The following BPNT2 variants were observed in gnomAD, a reference collection of about 807,000 sequenced individuals.
BPNT2 encodes the protein 3'(2'), 5'-bisphosphate nucleotidase 2.
A neutral mutation model predicts 29.3 loss-of-function variants in BPNT2; 11 were observed. The observed-to-expected ratio is 0.38, with a 90% CI of 0.24 to 0.62. The LOEUF is 0.62. Among genes scored for constraint, BPNT2 ranks in the 20% least tolerant of loss-of-function variants. The pLI is 0.62. For missense variants in BPNT2, 459 were observed against 473.4 expected, an observed-to-expected ratio of 0.97 and a Z score of 0.28; for synonymous variants, 195 against 187.7, an observed-to-expected ratio of 1.04 and a Z score of -0.32.
intron 1 of BPNT2, among the ~76,000 whole-genome samples, chr8:56,985,407 G>A (rs1249463083): frequency 6.6e-6 from 1 of 152,002 alleles, no homozygotes; most frequent in Non-Finnish European, 1.5e-5. Flanking sequence ...TGAAGCATAA[G>A]AAATCAACCC....
intron 2 of BPNT2, among the ~76,000 whole-genome samples, chr8:56,979,606 C>T (rs1057332961): frequency 3.3e-5 from 5 of 152,050 alleles, no homozygotes; most frequent in African/African-American, 1.2e-4. Flanking sequence ...TAAACTGTAA[C>T]ATATAAACCA....
intron 1 of BPNT2, among the ~76,000 whole-genome samples, chr8:56,982,454 A>C (rs962818248): frequency 2.6e-5 from 4 of 152,208 alleles, no homozygotes; most frequent in Non-Finnish European, 5.9e-5. Context: ...AGAGCAAAGT[A>C]AACATTCAAT....
Position 56,993,522 on chromosome 8 carries a change from C to A in BPNT2, c.64G>T (p.Gly22Cys). Residue 22 changes from glycine (G) to cysteine (C), a missense_variant, in exon 1 of 5, where the codon GGC becomes TGC. Physicochemically the swap from Gly to Cys is radical, Grantham distance 159. Coordinates refer to ENST00000262644, the MANE Select transcript of BPNT2 (RefSeq NM_017813.5). ...CCCGAGTAGAGGTGGTAGAGCACGC[C>A]GAGCCCCAGCAGGCAAAACACTGCC... ...GVAVFCLLGL[G>C]VLYHLYSGFL... The A allele has an allele frequency of 6.7e-7, 1 of 1,496,150 alleles. No individual in the cohort carries two copies. The highest frequency in any genetic ancestry group is 8.9e-7 in the Non-Finnish European group (1 of 1,122,928). The allele number at this position is 1,496,150 out of a possible 1,614,324, so 92.7% of individuals were successfully genotyped here.
chr8:56,989,854 A>C (rs900402872), intron 1 of BPNT2, among the ~76,000 whole-genome samples: 4 of 152,132 alleles, frequency 2.6e-5, no homozygotes, highest in African/African-American at 9.7e-5. Context: ...ATTTTACTCA[A>C]ACTCATTAGA....
At position 56,984,979 on chromosome 8, in the gene BPNT2, C is replaced by T. The variant is rs533584568; in HGVS notation, c.388-4782G>A. On this transcript the variant is annotated intron_variant, in intron 1 of 4. Coordinates refer to ENST00000262644, the MANE Select transcript of BPNT2 (RefSeq NM_017813.5). Reference sequence around the variant, plus strand: ...CTTACTGTATTCTTCTGCTTGTACACGCTTTCCCAGATCTCTGCATGACAT... The same window carrying T: ...CTTACTGTATTCTTCTGCTTGTACATGCTTTCCCAGATCTCTGCATGACAT... 7.2e-4 allele frequency among the ~76,000 whole-genome samples: 110 copies of T among 151,872 alleles called. 1 individual carries two copies. The highest frequency in any genetic ancestry group is 1.6e-3 in the African/African-American group (67 of 41,416).
chr8:56,972,558 T>C (rs1166642398), intron 3 of BPNT2, among the ~76,000 whole-genome samples: 2 of 152,104 alleles, frequency 1.3e-5, no homozygotes, highest in African/African-American at 4.8e-5. Context: ...ATTATGTGGG[T>C]ATAAAACTGC....
intron 2 of BPNT2, 112 bp downstream of exon 2, chr8:56,979,923 C>T: frequency 2.0e-6 from 2 of 987,276 alleles, no homozygotes; most frequent in Non-Finnish European, 3.2e-6. Flanking sequence ...GTTAAAAATG[C>T]TTCTTTACTG....
chr8:56,968,470 T>C (rs1805984760), intron 3 of BPNT2, among the ~76,000 whole-genome samples: 1 of 150,814 alleles, frequency 6.6e-6, no homozygotes, highest in African/African-American at 2.4e-5. Context: ...ATAGAGCTAA[T>C]CTTTAAAATT....
Position 56,966,342 on chromosome 8 carries a change from C to T in BPNT2, c.657G>A (p.Met219Ile), listed in dbSNP as rs780703417. ...CTTTCACATTTGAACCACCATCTAC[C>T]ATTGCCCAAGCTGAAAAGCAAATAT... ...KPFSEYTAWA[M>I]VDGGSNVKAR... Residue 219 changes from methionine (M) to isoleucine (I), a missense_variant, in exon 4 of 5, where the codon ATG (methionine) becomes ATA (isoleucine). Transcript: ENST00000262644. The T allele has an allele frequency of 6.2e-7, 1 of 1,613,808 alleles. No individual in the cohort carries two copies.
intron 4 of BPNT2, 129 bp downstream of exon 4, chr8:56,966,062 A>G: frequency 1.0e-6 from 1 of 995,916 alleles, no homozygotes; most frequent in South Asian, 1.4e-5. Context: ...CAGGAGACCA[A>G]GCCTGTCTTG....
intron 1 of BPNT2, among the ~76,000 whole-genome samples, chr8:56,989,844 A>C (rs550319644): frequency 1.4e-4 from 22 of 152,250 alleles, no homozygotes; most frequent in African/African-American, 5.3e-4. Flanking sequence ...TCCCAAGTGC[A>C]TTTTACTCAA....
rs767423897 is a variant in BPNT2, at chr8:56,958,940, T to C, written c.*4853A>G. On this transcript the variant is annotated 3_prime_UTR_variant, in exon 5 of 5. Coordinates refer to ENST00000262644, the MANE Select transcript of BPNT2 (RefSeq NM_017813.5). ...AGTGACGGAGGGGATGAAATATTTT[T>C]TGGTTAATTGATGTAATGATGACTC... 1.3e-5 allele frequency: 2 copies of C among 152,246 alleles called. No individual in the cohort carries two copies. Among genetic ancestry groups the C allele is most frequent in the Non-Finnish European group, 2.9e-5 (2 of 68,042 alleles). 9.4% of individuals were successfully genotyped at this position (152,246 alleles called of 1,614,324 possible). A position where few individuals can be genotyped will look rare whatever the true frequency, so the allele number is the denominator to read the frequency against.
intron 3 of BPNT2, among the ~76,000 whole-genome samples, chr8:56,971,988 G>A (rs771129973): frequency 4.0e-5 from 6 of 151,632 alleles, no homozygotes; most frequent in Admixed American, 1.3e-4. Context: ...CCAGCTACTC[G>A]GGAGGCTGAG....
intron 1 of BPNT2, among the ~76,000 whole-genome samples, chr8:56,986,818 C>T (rs929922228): frequency 6.6e-6 from 1 of 152,126 alleles, no homozygotes; most frequent in African/African-American, 2.4e-5. Flanking sequence ...ATGGGTACTA[C>T]AAGTATAGTT....
chr8:56,964,391 C>T (rs1258240020), intron 4 of BPNT2: 19 of 227,536 alleles, frequency 8.4e-5, no homozygotes, highest in African/African-American at 3.8e-4. Flanking sequence ...CTCCACCTCT[C>T]GGGTTCAAGC....
intron 3 of BPNT2, among the ~76,000 whole-genome samples, chr8:56,973,359 ATAG>A (rs1455148919): frequency 1.3e-5 from 2 of 152,186 alleles, no homozygotes; most frequent in African/African-American, 4.8e-5. Flanking sequence ...GTCAATACCA[ATAG>A]TAGAGAACCC....
intron 2 of BPNT2, among the ~76,000 whole-genome samples, chr8:56,978,824 T>C (rs191136922): frequency 6.6e-6 from 1 of 151,860 alleles, no homozygotes; most frequent in East Asian, 1.9e-4. Flanking sequence ...GTTCTCTAAG[T>C]GGGGAGCTAA....
rs1805949075 is a variant in BPNT2, at chr8:56,966,280, A to G, written c.719T>C (p.Val240Ala). ...CATCCCTGAATGGGAACGAGACACA[A>G]CGATCCTTGGGGTCTTCTCATTGTA... ...SSYNEKTPRIVVSRSHSGMVK... is the reference protein window; with the variant it reads ...SSYNEKTPRIAVSRSHSGMVK... Residue 240 changes from valine (V) to alanine (A), a missense_variant, in exon 4 of 5, where the codon GTT (valine) becomes GCT (alanine). Transcript: ENST00000262644. 2 of 1,613,970 alleles carry G rather than the reference A, an allele frequency of 1.2e-6. No homozygotes were observed. The highest frequency in any genetic ancestry group is 1.7e-6 in the Non-Finnish European group (2 of 1,179,882).
At chr8:56,984,724 T>C (rs1806300938) in intron 1 of BPNT2, among the ~76,000 whole-genome samples, 1 of 152,198 alleles carries the variant, frequency 6.6e-6, no homozygotes, top group African/African-American at 2.4e-5. Context: ...CAACCTGCCA[T>C]CTTCCTAAAT....
Sources: allele counts gnomAD v4.1 joint callset (sites outside exome capture counted in the v4.1 genomes callset), GRCh38; gene constraint gnomAD v4.1.1; transcripts MANE v1.5; gene names NCBI Gene and HGNC (gene_info 2026-07-23, HGNC 2026-07-21).